The following GBE1 variants were observed in gnomAD, a reference collection of about 807,000 sequenced individuals.
The protein encoded by GBE1 is 1,4-alpha-glucan-branching enzyme.
In GBE1, 70 loss-of-function variants were observed where a neutral mutation model predicts 88.8. The ratio of observed to expected loss-of-function variants is 0.79; its 90% CI spans 0.65 to 0.96. The LOEUF (loss-of-function observed/expected upper bound fraction) is 0.96. GBE1 is among the 40% of genes least tolerant of loss of function. The probability of loss-of-function intolerance (pLI) is 0.00; values close to 1 mark genes in which losing one functional copy is unlikely to be tolerated. For missense variants in GBE1, 872 were observed against 871.0 expected (o/e 1.00, Z -0.01); for synonymous variants, 284 against 300.1 (o/e 0.95, Z 0.56).
chr3:81,607,084 T>C (rs1020837228), intron 7 of GBE1, among the ~76,000 whole-genome samples: 5 of 152,218 alleles, frequency 3.3e-5, no homozygotes, highest in African/African-American at 1.2e-4. Context: ...TCACTTCATT[T>C]TGGTCAATCA....
At chr3:81,520,275 T>C (rs1354665419) in intron 14 of GBE1, among the ~76,000 whole-genome samples, 1 of 151,530 alleles carries the variant, frequency 6.6e-6, no homozygotes, top group Admixed American at 6.6e-5. Context: ...TTTCTAACAG[T>C]ATATGCTCAC....
intron 7 of GBE1, among the ~76,000 whole-genome samples, chr3:81,631,463 G>A (rs374791076): frequency 1.5e-4 from 23 of 151,856 alleles, no homozygotes; most frequent in East Asian, 9.6e-4. Context: ...ATGACCAGGC[G>A]TGGTGGCTCA....
intron 3 of GBE1, among the ~76,000 whole-genome samples, chr3:81,658,980 G>T (rs193280422): frequency 6.6e-6 from 1 of 152,130 alleles, no homozygotes; most frequent in Admixed American, 6.5e-5. Context: ...AAAAATATGG[G>T]ATTTAAACAT....
chr3:81,761,496 CG>C lies in GBE1; in HGVS notation c.21del (p.Ala8ArgfsTer31), dbSNP rs1005145562. 1 of 1,600,954 alleles carries C rather than the reference CG, an allele frequency of 6.2e-7. No homozygotes were observed. The highest frequency in any genetic ancestry group is 8.5e-7 in the Non-Finnish European group (1 of 1,175,186). On this transcript the variant is annotated frameshift_variant, in exon 1 of 16. Coordinates refer to ENST00000429644, the MANE Select transcript of GBE1 (RefSeq NM_000158.4). LOFTEE classifies it high-confidence loss of function. Reference sequence around the variant, plus strand: ...GCCTCGTAGTCCTCGGGCCGAGCCGCGGGAGTCATCGGAGCCGCCATATTCC... The same window carrying C: ...GCCTCGTAGTCCTCGGGCCGAGCCGCGGAGTCATCGGAGCCGCCATATTCC... MAAPMT[P>X]AARPEDYEAA...
rs192571711 is a variant in GBE1 at position 81,686,288 on chromosome 3, T to C, written c.314-15335A>G. Among the ~76,000 whole-genome samples, 6 of 152,144 alleles carry C rather than the reference T, an allele frequency of 3.9e-5. No individual in the cohort carries two copies. In the East Asian group the frequency reaches 7.7e-4, roughly 20 times the overall value. ...AGAAGTAGTCATCTACAGCATCTACTACAACATCTACTACTGCAGGAAGAT... is the reference window on the plus strand; with the variant it reads ...AGAAGTAGTCATCTACAGCATCTACCACAACATCTACTACTGCAGGAAGAT... On this transcript the variant is annotated intron_variant, in intron 2 of 15. Coordinates refer to ENST00000429644, the MANE Select transcript of GBE1 (RefSeq NM_000158.4).
chr3:81,548,520 A>G (rs1453722118), intron 12 of GBE1, among the ~76,000 whole-genome samples: 2 of 151,320 alleles, frequency 1.3e-5, no homozygotes, highest in Admixed American at 1.3e-4. Context: ...GACTTAGTGT[A>G]TGTTATTATA....
intron 12 of GBE1, among the ~76,000 whole-genome samples, chr3:81,573,466 G>T (rs1259687357): frequency 6.6e-6 from 1 of 152,120 alleles, no homozygotes; most frequent in Admixed American, 6.5e-5. Context: ...CTGCTTATCT[G>T]TATCACTGAA....
rs1705762984 is a variant in GBE1 at position 81,705,623 on chromosome 3, A to G, written c.144-10T>C. On this transcript the variant is annotated splice_polypyrimidine_tract_variant and intron_variant, in intron 1 of 15. Transcript: ENST00000429644. ...GCTAAACTGCTTATACCTTTGAAGAAGTATGAAAGAAAATGAGTTAGAAAA... is the reference window on the plus strand; with the variant it reads ...GCTAAACTGCTTATACCTTTGAAGAGGTATGAAAGAAAATGAGTTAGAAAA... 2.7e-6 allele frequency: 4 copies of G among 1,501,034 alleles called. No individual in the cohort carries two copies. The East Asian group carries it at 1.0e-4, about 38-fold the overall frequency. The allele number at this position is 1,501,034 out of a possible 1,614,324, so 93.0% of individuals were successfully genotyped here.
chr3:81,545,309 G>C (rs138120864), intron 12 of GBE1, among the ~76,000 whole-genome samples: 72 of 152,190 alleles, frequency 4.7e-4, no homozygotes, highest in African/African-American at 1.4e-3. Context: ...CACATCTAAT[G>C]TTTCTCTGTC....
chr3:81,575,163 T>A (rs1405267271), intron 12 of GBE1, among the ~76,000 whole-genome samples: 115 of 140,760 alleles, frequency 8.2e-4, no homozygotes, highest in African/African-American at 2.9e-3. Context: ...AGACTCCATC[T>A]CAAAAAAAAA....
chr3:81,742,771 C>G (rs1575774266), intron 1 of GBE1, among the ~76,000 whole-genome samples: 1 of 152,214 alleles, frequency 6.6e-6, no homozygotes, highest in East Asian at 1.9e-4. Context: ...ATTACACTAA[C>G]TGCATTGGGA....
intron 2 of GBE1, among the ~76,000 whole-genome samples, chr3:81,695,185 G>A (rs1705573748): frequency 6.6e-6 from 1 of 152,098 alleles, no homozygotes; most frequent in Admixed American, 6.6e-5. Flanking sequence ...ACTGAATAAA[G>A]CCTGTACTAC....
chr3:81,534,158 C>A (rs1006208444), intron 14 of GBE1, among the ~76,000 whole-genome samples: 1 of 151,914 alleles, frequency 6.6e-6, no homozygotes, highest in African/African-American at 2.4e-5. Flanking sequence ...CACATTATTT[C>A]TATTGCCTGC....
intron 1 of GBE1, among the ~76,000 whole-genome samples, chr3:81,730,020 G>A (rs1160535893): frequency 2.0e-5 from 3 of 152,112 alleles, no homozygotes; most frequent in Non-Finnish European, 1.5e-5. Context: ...TATTCTGGGT[G>A]TAGATTTGTC....
chr3:81,640,235 T>C (rs1296630629), intron 7 of GBE1, among the ~76,000 whole-genome samples: 1 of 151,878 alleles, frequency 6.6e-6, no homozygotes, highest in Non-Finnish European at 1.5e-5. Flanking sequence ...GAGATTAACA[T>C]TTGAGTCAGT....
chr3:81,505,467 T>C (rs7625185), intron 14 of GBE1, among the ~76,000 whole-genome samples: 2,937 of 152,210 alleles, frequency 0.019, 103 homozygotes, highest in African/African-American at 0.066. Flanking sequence ...CTTTTTATGT[T>C]ACATGGATTG....
intron 2 of GBE1, among the ~76,000 whole-genome samples, chr3:81,697,056 G>A (rs1002409131): frequency 6.6e-6 from 1 of 152,072 alleles, no homozygotes; most frequent in Non-Finnish European, 1.5e-5. Context: ...AGATCCCACA[G>A]GTTGGGGGCT....
intron 5 of GBE1, 56 bp from the exon 6 acceptor site, chr3:81,646,538 T>C: frequency 1.0e-6 from 1 of 970,936 alleles, no homozygotes; most frequent in Admixed American, 2.5e-5. Flanking sequence ...AAAAAAGTAA[T>C]GGGGAAAAAA....
chr3:81,647,994 T>C (rs1362518247), intron 5 of GBE1, among the ~76,000 whole-genome samples: 1 of 152,048 alleles, frequency 6.6e-6, no homozygotes, highest in Non-Finnish European at 1.5e-5. Flanking sequence ...ATATCTCAAA[T>C]ATAATAATTT....
Sources: gnomAD v4.1 joint callset for allele counts (sites outside exome capture counted in the v4.1 genomes callset) on GRCh38, gnomAD v4.1.1 for gene constraint, MANE v1.5 for transcripts, NCBI Gene and HGNC (gene_info 2026-07-23, HGNC 2026-07-21) for gene names.